MMS19: variants seen among roughly 807,000 people sequenced by gnomAD.
MMS19 encodes MMS19 nucleotide excision repair protein homolog.
Under a neutral mutation model 129.8 loss-of-function variants are expected in MMS19, and 77 were observed. The observed-to-expected ratio is 0.59, with a 90% CI of 0.49 to 0.72. The LOEUF is 0.72. Ranked by LOEUF, MMS19 falls within the 30% of genes least tolerant of loss-of-function variation. The pLI, the probability that MMS19 is intolerant of heterozygous loss-of-function variation, is 0.00. For synonymous variants in MMS19, 491 were observed against 502.8 expected (o/e 0.98, Z 0.31); for missense variants, 1,168 against 1,266.3 (o/e 0.92, Z 1.18).
chr10:97,473,180 C>G (rs759002039), intron 8 of MMS19, among the ~76,000 whole-genome samples: 1 of 152,000 alleles, frequency 6.6e-6, no homozygotes, highest in South Asian at 2.1e-4. Flanking sequence ...AGATTACAGG[C>G]GCCTGCTACC....
chr10:97,473,104 C>T (rs1166014582), intron 8 of MMS19, among the ~76,000 whole-genome samples: 3 of 151,574 alleles, frequency 2.0e-5, no homozygotes, highest in Non-Finnish European at 4.4e-5. Context: ...GGCGTGATCT[C>T]GGCTCACTGT....
At chr10:97,489,757 G>A (rs886073143) in intron 1 of MMS19, among the ~76,000 whole-genome samples, 14 of 152,156 alleles carry the variant, frequency 9.2e-5, no homozygotes, top group Non-Finnish European at 4.4e-5. Context: ...TTTTAAAGAA[G>A]TACTTTATAG....
chr10:97,486,880 TATATATATATATATAA>T lies in MMS19; in HGVS notation c.113-2745_113-2730del, dbSNP rs1157702604. On this transcript the variant is annotated intron_variant, in intron 1 of 30. Coordinates refer to ENST00000438925, the MANE Select transcript of MMS19 (RefSeq NM_022362.5). ...AAAGTGCCATATATATATATATATA[TATATATATATATATAA>T]AATTAAGACAGGCAAGTTGTGAAAA... 3.0e-5 allele frequency among the ~76,000 whole-genome samples: 3 copies of T among 99,266 alleles called. No homozygotes were observed. The East Asian group carries it at 1.3e-3, about 43-fold the overall frequency. 65.1% of individuals were successfully genotyped at this position (99,266 alleles called of 152,430 possible).
chr10:97,486,453 T>C (rs896294565), intron 1 of MMS19, among the ~76,000 whole-genome samples: 1 of 152,228 alleles, frequency 6.6e-6, no homozygotes, highest in Admixed American at 6.5e-5. Context: ...AGTGCTGGGA[T>C]TGCAGGCGTG....
rs756047935 is a variant in MMS19, at chr10:97,459,262, C to T, written c.2925G>A (p.Leu975=). 2.2e-5 allele frequency: 35 copies of T among 1,613,058 alleles called. No individual in the cohort carries two copies. Among genetic ancestry groups the T allele is most frequent in the Admixed American group, 6.7e-5 (4 of 59,954 alleles). ...GGCGAGTGAGAGCATGCATGCACTG[C>T]AGTGCGGCGATCCGGACAGCCTGGA... ...SPSMAVRIAA[L]QCMHALTRLP... Residue 975 remains leucine, a synonymous_variant, in exon 29 of 31, where the codon CTG becomes CTA. Transcript: ENST00000438925.
rs908251940 is a variant in MMS19, at chr10:97,461,004, T to C, written c.2315A>G (p.Gln772Arg). ...AGLLNKHPAG[Q>R]QLDEFLQLAV... ...TAGCTGTAGGAATTCATCCAGCTGC[T>C]GCCCTAAAAAGGAGAGAGGAAATGC... Residue 772 changes from glutamine to arginine, a missense_variant, in exon 24 of 31, where the codon CAG becomes CGG. Coordinates refer to ENST00000438925, the MANE Select transcript of MMS19 (RefSeq NM_022362.5). 3 of 1,555,906 alleles carry C rather than the reference T, an allele frequency of 1.9e-6. No homozygotes were observed. In the African/African-American group the frequency reaches 4.1e-5, roughly 21 times the overall value.
At chr10:97,464,455 C>A (rs1025200425) in intron 18 of MMS19, among the ~76,000 whole-genome samples, 1 of 152,168 alleles carries the variant, frequency 6.6e-6, no homozygotes, top group Admixed American at 6.5e-5. Flanking sequence ...AATCTACCCA[C>A]AGGGCAGGCT....
upstream of MMS19, chr10:97,498,589 G>C (rs1320824793): frequency 5.0e-6 from 3 of 604,926 alleles, no homozygotes; most frequent in African/African-American, 2.0e-5. Flanking sequence ...GCGGCTGCTG[G>C]GCACGCAGCC....
intron 5 of MMS19, 67 bp from the exon 6 acceptor site, chr10:97,477,483 C>T: frequency 6.2e-7 from 1 of 1,607,998 alleles, no homozygotes; most frequent in Non-Finnish European, 8.5e-7. Flanking sequence ...ACAGCTAGTT[C>T]CTGCTTCATA....
upstream of MMS19, chr10:97,498,434 G>C (rs1395776013): frequency 6.4e-7 from 1 of 1,551,334 alleles, no homozygotes; most frequent in Non-Finnish European, 8.6e-7. Flanking sequence ...GCTCGAGACG[G>C]GCTCTCCGCG....
chr10:97,465,325 C>A (rs941587764), intron 18 of MMS19, among the ~76,000 whole-genome samples: 9 of 151,734 alleles, frequency 5.9e-5, no homozygotes, highest in Non-Finnish European at 1.0e-4. Flanking sequence ...GATAGAGTTT[C>A]ACTCTATTGC....
chr10:97,485,883 A>G (rs961909819), intron 1 of MMS19, among the ~76,000 whole-genome samples: 2 of 152,264 alleles, frequency 1.3e-5, no homozygotes, highest in African/African-American at 4.8e-5. Flanking sequence ...GTGGGAATGT[A>G]AATTAGTACA....
rs575047838 is a variant in MMS19 at position 97,493,414 on chromosome 10, CA to C, written c.112+4858del. Among the ~76,000 whole-genome samples, 204 of 152,144 alleles carry C rather than the reference CA, an allele frequency of 1.3e-3. 4 individuals carry two copies. The South Asian group carries it at 0.04, about 30-fold the overall frequency. On this transcript the variant is annotated intron_variant, in intron 1 of 30. Transcript: ENST00000438925. ...CAACAAAACAAGGCCCTGTTCGCTA[CA>C]AAAAAATTAGCCAGGTGTGGTGGCA... is the stretch of plus-strand genomic sequence containing the variant.
intron 25 of MMS19, 198 bp from the exon 26 acceptor site, chr10:97,460,430 G>C (rs1410076796): frequency 2.1e-5 from 13 of 621,474 alleles, no homozygotes; most frequent in Non-Finnish European, 3.1e-5. Flanking sequence ...CATTAGTTGG[G>C]TGTGGTGGGG....
Position 97,458,505 on chromosome 10 carries a change from T to C in MMS19, c.*187A>G, listed in dbSNP as rs2030503938. On this transcript the variant is annotated 3_prime_UTR_variant, in exon 31 of 31. Transcript: ENST00000438925. ...GCAAGTGTCTCACACACACTTATTT[T>C]ACAAATCCACTAGAAATATGGACTC... The C allele has an allele frequency of 1.6e-6, 1 of 615,674 alleles. No individual in the cohort carries two copies. Among genetic ancestry groups the C allele is most frequent in the Non-Finnish European group, 2.8e-6 (1 of 356,506 alleles). 38.1% of individuals were successfully genotyped at this position (615,674 alleles called of 1,614,324 possible). A position where few individuals can be genotyped will look rare whatever the true frequency, so the allele number is the denominator to read the frequency against.
chr10:97,461,821 CACTT>C lies in MMS19; in HGVS notation c.2184+3_2184+6del, dbSNP rs2032035996. The C allele has an allele frequency of 6.2e-7, 1 of 1,606,682 alleles. No individual in the cohort carries two copies. Among genetic ancestry groups the C allele is most frequent in the South Asian group, 1.1e-5 (1 of 89,466 alleles). On this transcript the variant is annotated splice_donor_5th_base_variant and intron_variant, in intron 22 of 30. Coordinates refer to ENST00000438925, the MANE Select transcript of MMS19 (RefSeq NM_022362.5). ...AATAACAGTACTTCCCAAATGTGCT[CACTT>C]ACATTTCGAGGCAGGGAGCAGACAA...
At chr10:97,473,235 C>G (rs1001744478) in intron 8 of MMS19, among the ~76,000 whole-genome samples, 1 of 151,964 alleles carries the variant, frequency 6.6e-6, no homozygotes, top group African/African-American at 2.4e-5. Flanking sequence ...GGGATTCCAC[C>G]ATGTTGGTCA....
intron 8 of MMS19, among the ~76,000 whole-genome samples, chr10:97,475,211 AGT>A (rs10590709): frequency 0.42 from 63,693 of 150,514 alleles, 13,281 homozygotes; most frequent in African/African-American, 0.44. Context: ...GTACAGGAGA[AGT>A]GTGTGTGTGT....
chr10:97,475,661 CA>C (rs1205944152), intron 8 of MMS19, among the ~76,000 whole-genome samples: 1 of 152,118 alleles, frequency 6.6e-6, no homozygotes, highest in Admixed American at 6.5e-5. Flanking sequence ...TGCTTGAACC[CA>C]GGAGGCAGAG....
Sources: allele counts gnomAD v4.1 joint callset (sites outside exome capture counted in the v4.1 genomes callset), GRCh38; gene constraint gnomAD v4.1.1; transcripts MANE v1.5; gene names NCBI Gene and HGNC (gene_info 2026-07-23, HGNC 2026-07-21).